The following PCDHA3 variants were observed in gnomAD, a reference collection of about 807,000 sequenced individuals.
The protein encoded by PCDHA3 is protocadherin alpha-3.
A neutral mutation model predicts 62.2 loss-of-function variants in PCDHA3; 41 were observed. That is an observed-to-expected ratio of 0.66 (90% CI 0.51 to 0.86). The LOEUF (loss-of-function observed/expected upper bound fraction) is 0.86. Among genes scored for constraint, PCDHA3 ranks in the 40% least tolerant of loss-of-function variants. The pLI is 0.00. For synonymous variants in PCDHA3, 640 were observed against 555.4 expected (o/e 1.15, Z -2.14); for missense variants, 1,304 against 1,241.2 (o/e 1.05, Z -0.76).
At position 140,852,979 on chromosome 5, in the gene PCDHA3, C is replaced by T. The variant is rs1163126310; in HGVS notation, c.2394+49388C>T. ...CTCCAAGCTCCCCCTCCCGTGTTCA[C>T]GCCATTCTCCTGCCTCAGCCTCCCG... On this transcript the variant is annotated intron_variant, in intron 1 of 3. Transcript: ENST00000522353. 7 of 345,732 alleles carry T rather than the reference C, an allele frequency of 2.0e-5. No individual in the cohort carries two copies. In the East Asian group the frequency reaches 5.0e-4, roughly 24 times the overall value. 21.4% of individuals were successfully genotyped at this position (345,732 alleles called of 1,614,324 possible).
chr5:140,928,480 G>A, intron 1 of PCDHA3: 2 of 1,614,146 alleles, frequency 1.2e-6, no homozygotes, highest in Non-Finnish European at 1.7e-6. Flanking sequence ...AGGCCGGGAT[G>A]GTGGCATTCC....
intron 1 of PCDHA3, chr5:140,861,480 T>C (rs2046942458): frequency 4.1e-6 from 2 of 490,608 alleles, no homozygotes; most frequent in African/African-American, 2.0e-5. Flanking sequence ...GAATGGCATT[T>C]TTGTGAGTTC....
chr5:140,928,158 AC>A, intron 1 of PCDHA3: 7 of 1,614,066 alleles, frequency 4.3e-6, no homozygotes, highest in Non-Finnish European at 5.9e-6. Flanking sequence ...ATAGTGGCTC[AC>A]CCCCACTTAG....
In PCDHA3 at chr5:141,009,850, C is replaced by A; in HGVS notation, c.2766C>A (p.Thr922=). The A allele has an allele frequency of 1.2e-6, 2 of 1,613,572 alleles. No individual in the cohort carries two copies. Among genetic ancestry groups the A allele is most frequent in the Non-Finnish European group, 1.7e-6 (2 of 1,179,906 alleles). ...DFITFGKKEE[T]KKKKKKKKGN... ...TAACCTTCGGCAAAAAGGAGGAGAC[C>A]AAGAAAAAGAAGAAAAAGAAGAAGG... The change falls in exon 4 of 4, where the codon ACC becomes ACA. Residue 922 remains threonine (T), a synonymous_variant. Coordinates refer to ENST00000522353, the MANE Select transcript of PCDHA3 (RefSeq NM_018906.3).
At chr5:140,977,246 C>T (rs939682133) in intron 1 of PCDHA3, among the ~76,000 whole-genome samples, 1 of 152,172 alleles carries the variant, frequency 6.6e-6, no homozygotes, top group Non-Finnish European at 1.5e-5. Flanking sequence ...AAATTGGCAA[C>T]ATTTCTCAGC....
rs943336645 is a variant in PCDHA3 at position 140,847,564 on chromosome 5, G to A, written c.2394+43973G>A. On this transcript the variant is annotated intron_variant, in intron 1 of 3. Coordinates refer to ENST00000522353, the MANE Select transcript of PCDHA3 (RefSeq NM_018906.3). ...TAGCTTTAAAAACAGAAATTGCCCC[G>A]AGTACTAAGGATGAGCAATAATGAA... The A allele has an allele frequency of 3.3e-5, 5 of 149,268 alleles. 1 individual carries two copies. The highest frequency in any genetic ancestry group is 1.3e-4 in the Admixed American group (2 of 14,886). The allele number at this position is 149,268 out of a possible 1,614,324, so 9.2% of individuals were successfully genotyped here. A position where few individuals can be genotyped will look rare whatever the true frequency, so the allele number is the denominator to read the frequency against.
intron 1 of PCDHA3, chr5:140,860,531 T>C (rs1488177116): frequency 1.3e-5 from 2 of 152,156 alleles, no homozygotes; most frequent in Non-Finnish European, 2.9e-5. Flanking sequence ...AATTCTGATT[T>C]GTAAGACAAA....
rs782614839 is a variant in PCDHA3 at position 140,809,036 on chromosome 5, G to A, written c.2394+5445G>A. ...GTACGAGCTGCAGCCGGGGACTGGT[G>A]GCGCGCGCATCCCGTTCCGCGTGGG... On this transcript the variant is annotated intron_variant, in intron 1 of 3. Coordinates refer to ENST00000522353, the MANE Select transcript of PCDHA3 (RefSeq NM_018906.3). The A allele has an allele frequency of 3.1e-6, 5 of 1,613,850 alleles. No individual in the cohort carries two copies. The Admixed American group carries it at 8.3e-5, about 27-fold the overall frequency.
chr5:140,996,587 C>T (rs1260417239), intron 3 of PCDHA3, among the ~76,000 whole-genome samples: 4 of 151,994 alleles, frequency 2.6e-5, no homozygotes, highest in South Asian at 2.1e-4. Context: ...TAACAAGGGC[C>T]GCCTCCCCCC....
chr5:140,874,444 T>C (rs2054916108), intron 1 of PCDHA3, among the ~76,000 whole-genome samples: 1 of 152,222 alleles, frequency 6.6e-6, no homozygotes, highest in South Asian at 2.1e-4. Context: ...TCCTAACTAC[T>C]AAATGACCTG....
intron 3 of PCDHA3, among the ~76,000 whole-genome samples, chr5:141,000,381 CTCTCTCTCTCTCTCTATA>C (rs1371464108): frequency 4.9e-5 from 3 of 61,382 alleles, no homozygotes; most frequent in South Asian, 5.3e-4. Flanking sequence ...CTCTCTCTCT[CTCTCTCTCTCTCTCTATA>C]TATATATATA....
At chr5:140,841,153 T>C in intron 1 of PCDHA3, 1 of 819,712 alleles carries the variant, frequency 1.2e-6, no homozygotes, top group East Asian at 2.7e-5. Flanking sequence ...TGTCGCTGTC[T>C]ACCAAGAAGT....
At chr5:140,897,100 A>G (rs10054072) in intron 1 of PCDHA3, among the ~76,000 whole-genome samples, 2,117 of 151,950 alleles carry the variant, frequency 0.014, 42 homozygotes, top group African/African-American at 0.049. Context: ...CTCATTAAAA[A>G]TCTCCACTTT....
chr5:140,910,411 A>C (rs1554194248), intron 1 of PCDHA3, among the ~76,000 whole-genome samples: 2 of 152,062 alleles, frequency 1.3e-5, no homozygotes, highest in African/African-American at 4.8e-5. Flanking sequence ...CCACCTCGAG[A>C]TCCAATTATT....
At chr5:140,804,334 CT>C (rs1763380343) in intron 1 of PCDHA3, 1 of 151,888 alleles carries the variant, frequency 6.6e-6, no homozygotes, top group Non-Finnish European at 1.5e-5. Context: ...AATAATACTA[CT>C]GTATTATATG....
intron 1 of PCDHA3, chr5:140,871,216 G>A (rs782807102): frequency 5.6e-6 from 9 of 1,613,738 alleles, no homozygotes; most frequent in East Asian, 4.5e-5. Context: ...CGCCATCTGC[G>A]TGGTGTCCAG....
intron 1 of PCDHA3, chr5:140,834,247 G>C: frequency 1.1e-6 from 1 of 891,604 alleles, no homozygotes; most frequent in Non-Finnish European, 1.7e-6. Flanking sequence ...TTTCGCACTG[G>C]AAAGACGCTC....
chr5:140,948,005 T>G (rs246049), intron 1 of PCDHA3, among the ~76,000 whole-genome samples: 85,182 of 151,072 alleles, frequency 0.56, 24,606 homozygotes, highest in African/African-American at 0.69. Flanking sequence ...TTATTAAATT[T>G]AGGAAGTACC....
intron 1 of PCDHA3, chr5:140,834,498 G>T: frequency 6.2e-7 from 1 of 1,614,130 alleles, no homozygotes; most frequent in Non-Finnish European, 8.5e-7. Context: ...CCCCGAGGAG[G>T]CTAAACATGG....
Sources: gnomAD v4.1 joint callset for allele counts (sites outside exome capture counted in the v4.1 genomes callset) on GRCh38, gnomAD v4.1.1 for gene constraint, MANE v1.5 for transcripts, NCBI Gene and HGNC (gene_info 2026-07-23, HGNC 2026-07-21) for gene names.